FSTL5: variants seen among roughly 807,000 people sequenced by gnomAD.
FSTL5 encodes follistatin like 5, also known as follistatin-related protein 5.
Under a neutral mutation model 89.1 loss-of-function variants are expected in FSTL5, and 62 were observed. The observed-to-expected ratio is 0.70, with a 90% CI of 0.57 to 0.86. FSTL5 has a LOEUF of 0.86. FSTL5 is among the 40% of genes least tolerant of loss of function. The pLI is 0.00. For synonymous variants in FSTL5, 383 were observed against 346.2 expected (o/e 1.11, Z -1.18); for missense variants, 1,057 against 1,001.6 (o/e 1.06, Z -0.75).
chr4:161,785,496 G>A (rs923421222), intron 4 of FSTL5, among the ~76,000 whole-genome samples: 1 of 152,206 alleles, frequency 6.6e-6, no homozygotes, highest in Non-Finnish European at 1.5e-5. Context: ...AAATCTCATG[G>A]TTTTGTATTC....
intron 8 of FSTL5, 128 bp downstream of exon 8, chr4:161,587,327 T>A: frequency 1.4e-6 from 1 of 728,712 alleles, no homozygotes; most frequent in Non-Finnish European, 2.3e-6. Flanking sequence ...AACTTTTACA[T>A]TATCAGTTGA....
intron 15 of FSTL5, among the ~76,000 whole-genome samples, chr4:161,449,660 T>C (rs764104943): frequency 5.9e-5 from 9 of 152,132 alleles, no homozygotes; most frequent in Non-Finnish European, 1.0e-4. Flanking sequence ...GAACTCTAAC[T>C]GGGAGAGATA....
At chr4:161,435,230 C>T (rs1367960048) in intron 15 of FSTL5, among the ~76,000 whole-genome samples, 8 of 151,772 alleles carry the variant, frequency 5.3e-5, no homozygotes, top group African/African-American at 9.7e-5. Context: ...CAATGAAGTA[C>T]TAATCAGTTA....
At chr4:161,615,444 CAAAAA>C (rs570217571) in intron 7 of FSTL5, among the ~76,000 whole-genome samples, 3 of 87,438 alleles carry the variant, frequency 3.4e-5, no homozygotes, top group Non-Finnish European at 7.3e-5. Context: ...GACTCCATCT[CAAAAA>C]AAAAAAAAAA....
Position 161,389,020 on chromosome 4 carries a change from G to A in FSTL5, c.1842-2571C>T, listed in dbSNP as rs373126074. On this transcript the variant is annotated intron_variant, in intron 15 of 15. Coordinates refer to ENST00000306100, the MANE Select transcript of FSTL5 (RefSeq NM_020116.5). ...CTGCATTGTATGCTCCTTTAGGGCT[G>A]GAGATGTAGCTACATAAGCAGATGC... Among the ~76,000 whole-genome samples, 38 of 152,214 alleles carry A rather than the reference G, an allele frequency of 2.5e-4. No individual in the cohort carries two copies. The East Asian group carries it at 4.8e-3, about 19-fold the overall frequency.
chr4:161,563,732 G>T (rs983580612), intron 8 of FSTL5, among the ~76,000 whole-genome samples: 6 of 151,840 alleles, frequency 4.0e-5, no homozygotes, highest in Non-Finnish European at 7.4e-5. Flanking sequence ...CAACAATTTG[G>T]CCAGAAAGTG....
chr4:162,071,106 G>A (rs1172306653), intron 2 of FSTL5, among the ~76,000 whole-genome samples: 1 of 151,552 alleles, frequency 6.6e-6, no homozygotes, highest in East Asian at 1.9e-4. Flanking sequence ...ACAATTAACA[G>A]AATGAAACAT....
At chr4:161,617,189 A>T (rs1225147133) in intron 7 of FSTL5, among the ~76,000 whole-genome samples, 2 of 152,004 alleles carry the variant, frequency 1.3e-5, no homozygotes, top group African/African-American at 2.4e-5. Context: ...ATGTATAAAC[A>T]TATATAGCTA....
chr4:161,513,904 T>C (rs1346015479), intron 10 of FSTL5, among the ~76,000 whole-genome samples: 1 of 152,114 alleles, frequency 6.6e-6, no homozygotes, highest in Non-Finnish European at 1.5e-5. Context: ...ACTTGCATGA[T>C]GAAGTAATCT....
At chr4:161,869,596 T>C (rs561943191) in intron 4 of FSTL5, among the ~76,000 whole-genome samples, 43 of 152,262 alleles carry the variant, frequency 2.8e-4, no homozygotes, top group Admixed American at 7.8e-4. Context: ...ACCTTCCTGA[T>C]TGTCACAATT....
At chr4:161,748,862 A>G (rs1320116482) in intron 6 of FSTL5, among the ~76,000 whole-genome samples, 2 of 150,852 alleles carry the variant, frequency 1.3e-5, no homozygotes, top group East Asian at 3.9e-4. Context: ...GAACTCGACA[A>G]AGGACATGAA....
chr4:161,830,405 TTTAAC>T (rs576858066), intron 4 of FSTL5, among the ~76,000 whole-genome samples: 5 of 152,102 alleles, frequency 3.3e-5, no homozygotes, highest in African/African-American at 4.8e-5. Context: ...TTTTTCTTTT[TTTAAC>T]ATTTAAGTTG....
chr4:161,907,472 T>G (rs566658540), intron 4 of FSTL5, among the ~76,000 whole-genome samples: 1 of 152,254 alleles, frequency 6.6e-6, no homozygotes, highest in East Asian at 1.9e-4. Flanking sequence ...ATTCTGCCTT[T>G]GGGAGTAGAT....
chr4:161,939,661 T>G (rs2110919459), intron 3 of FSTL5, among the ~76,000 whole-genome samples: 1 of 152,096 alleles, frequency 6.6e-6, no homozygotes, highest in South Asian at 2.1e-4. Flanking sequence ...ACAGCAATTC[T>G]TATTACCAAT....
intron 6 of FSTL5, among the ~76,000 whole-genome samples, chr4:161,755,731 A>C (rs1331101911): frequency 6.6e-6 from 1 of 152,104 alleles, no homozygotes; most frequent in African/African-American, 2.4e-5. Context: ...AAGGAAACCT[A>C]TCTTTGTAAG....
intron 13 of FSTL5, among the ~76,000 whole-genome samples, chr4:161,479,251 G>A (rs1729416229): frequency 6.6e-6 from 1 of 151,876 alleles, no homozygotes; most frequent in Non-Finnish European, 1.5e-5. Flanking sequence ...TAGGCATTTT[G>A]AAAAATAATA....
chr4:161,958,641 CGG>C (rs1735090286), intron 3 of FSTL5, among the ~76,000 whole-genome samples: 3 of 152,004 alleles, frequency 2.0e-5, no homozygotes, highest in Admixed American at 1.3e-4. Context: ...TATTCTATGC[CGG>C]ATGCTGGAAA....
At chr4:161,673,928 C>A (rs1319786504) in intron 6 of FSTL5, among the ~76,000 whole-genome samples, 1 of 151,842 alleles carries the variant, frequency 6.6e-6, no homozygotes, top group East Asian at 1.9e-4. Flanking sequence ...GCATTCAAAA[C>A]TTTGTAATCT....
chr4:161,524,041 C>T (rs1341036638), intron 10 of FSTL5, among the ~76,000 whole-genome samples: 1 of 152,092 alleles, frequency 6.6e-6, no homozygotes, highest in Non-Finnish European at 1.5e-5. Context: ...TGGAACATGC[C>T]TCATTATACC....
Sources: gnomAD v4.1 joint callset for allele counts (sites outside exome capture counted in the v4.1 genomes callset) on GRCh38, gnomAD v4.1.1 for gene constraint, MANE v1.5 for transcripts, NCBI Gene and HGNC (gene_info 2026-07-23, HGNC 2026-07-21) for gene names.